DTWD2: variants seen among roughly 807,000 people sequenced by gnomAD.
DTWD2 encodes the protein tRNA-uridine aminocarboxypropyltransferase 2.
Under a neutral mutation model 31.8 loss-of-function variants are expected in DTWD2, and 39 were observed. The ratio of observed to expected loss-of-function variants is 1.22; its 90% CI spans 0.95 to 1.60. The LOEUF is 1.60. Ranked by LOEUF, DTWD2 falls within the 40% of genes most tolerant of loss-of-function variation. The pLI is 0.00. For missense variants in DTWD2, 515 were observed against 381.5 expected (o/e 1.35, Z -2.92); for synonymous variants, 180 against 142.8 (o/e 1.26, Z -1.86).
At chr5:118,898,309 C>CA (rs893805537) in intron 4 of DTWD2, among the ~76,000 whole-genome samples, 11 of 152,058 alleles carry the variant, frequency 7.2e-5, no homozygotes, top group African/African-American at 2.2e-4. Flanking sequence ...TGGGCAAAAA[C>CA]AAAAAAATTA....
At chr5:118,909,036 A>G (rs1378898343) in intron 4 of DTWD2, among the ~76,000 whole-genome samples, 1 of 152,210 alleles carries the variant, frequency 6.6e-6, no homozygotes, top group Non-Finnish European at 1.5e-5. Flanking sequence ...CAATACAAGG[A>G]AACTCCCTGA....
At chr5:118,875,563 GA>G (rs34990814) in intron 4 of DTWD2, among the ~76,000 whole-genome samples, 8,092 of 44,436 alleles carry the variant, frequency 0.18, 278 homozygotes, top group East Asian at 0.27. Flanking sequence ...CCTAGTTTCT[GA>G]AAAAAAAAAA....
At chr5:118,951,227 T>C (rs1754457467) in intron 1 of DTWD2, among the ~76,000 whole-genome samples, 1 of 150,600 alleles carries the variant, frequency 6.6e-6, no homozygotes, top group African/African-American at 2.4e-5. Context: ...GGAGAGGAGG[T>C]GATAGAAGGA....
intron 4 of DTWD2, among the ~76,000 whole-genome samples, chr5:118,860,427 A>T (rs1752235272): frequency 6.6e-6 from 1 of 151,904 alleles, no homozygotes; most frequent in South Asian, 2.1e-4. Flanking sequence ...GCTATACCAT[A>T]GTTTATTCAA....
chr5:118,981,353 T>C (rs1271541699), intron 1 of DTWD2, among the ~76,000 whole-genome samples: 2 of 152,144 alleles, frequency 1.3e-5, no homozygotes, highest in Non-Finnish European at 2.9e-5. Context: ...TATTACGTTA[T>C]GCAAATGTTA....
At chr5:118,914,149 T>C (rs1753522523) in intron 4 of DTWD2, among the ~76,000 whole-genome samples, 1 of 152,156 alleles carries the variant, frequency 6.6e-6, no homozygotes, top group Non-Finnish European at 1.5e-5. Context: ...TCCCCTAGAA[T>C]TCATGTGTTG....
intron 5 of DTWD2, among the ~76,000 whole-genome samples, chr5:118,841,844 G>A (rs1361383783): frequency 6.6e-6 from 1 of 151,786 alleles, no homozygotes; most frequent in Non-Finnish European, 1.5e-5. Context: ...CCTTGGGCCT[G>A]AGACCCCTGA....
intron 3 of DTWD2, among the ~76,000 whole-genome samples, chr5:118,930,489 T>A (rs1055403677): frequency 6.6e-6 from 1 of 152,130 alleles, no homozygotes; most frequent in African/African-American, 2.4e-5. Flanking sequence ...ACAACTTTTC[T>A]TAGATTCGTC....
At chr5:118,928,215 T>A (rs1753848699) in intron 4 of DTWD2, among the ~76,000 whole-genome samples, 1 of 151,968 alleles carries the variant, frequency 6.6e-6, no homozygotes, top group African/African-American at 2.4e-5. Context: ...ACAAAACACA[T>A]TAATACATAT....
intron 5 of DTWD2, 130 bp from the exon 6 acceptor site, chr5:118,841,217 T>C (rs1259452310): frequency 1.1e-6 from 1 of 905,888 alleles, no homozygotes; most frequent in African/African-American, 1.7e-5. Context: ...TGAGAAACAC[T>C]AGGCACTCTG....
rs375418588 is a variant in DTWD2 at position 118,840,982 on chromosome 5, G to C, written c.832C>G (p.Pro278Ala). 3 of 1,613,748 alleles carry C rather than the reference G, an allele frequency of 1.9e-6. No homozygotes were observed. The African/African-American group carries it at 4.0e-5, about 22-fold the overall frequency. The change falls in exon 6 of 6, where the codon CCA becomes GCA. Residue 278 changes from proline to alanine, a missense_variant. By Grantham distance (27) the Pro-to-Ala change is conservative (BLOSUM62 -1). Coordinates refer to ENST00000510708, the MANE Select transcript of DTWD2 (RefSeq NM_173666.4). ...AGTTTGCGTTTGTTCTTTGGCATTG[G>C]TTTAGGATATAATCCATTTTTCAGA... The part of the protein sequence containing the change: ...HLLKNGLYPK[P>A]MPKNKRKLRK...
chr5:118,864,858 C>T (rs1320305631), intron 4 of DTWD2, among the ~76,000 whole-genome samples: 1 of 152,088 alleles, frequency 6.6e-6, no homozygotes, highest in Non-Finnish European at 1.5e-5. Flanking sequence ...TCATAATGCT[C>T]ACTTACAGAA....
At chr5:118,955,693 G>A (rs956846987) in intron 1 of DTWD2, among the ~76,000 whole-genome samples, 1 of 151,834 alleles carries the variant, frequency 6.6e-6, no homozygotes, top group South Asian at 2.1e-4. Context: ...TACTCAGGAG[G>A]CTAAGGCAGG....
intron 3 of DTWD2, among the ~76,000 whole-genome samples, chr5:118,931,460 G>A (rs1360471380): frequency 2.1e-5 from 3 of 145,702 alleles, no homozygotes; most frequent in African/African-American, 7.7e-5. Context: ...TACAGACAAA[G>A]CAGACATCAG....
At chr5:118,871,055 T>G (rs1752490558) in intron 4 of DTWD2, among the ~76,000 whole-genome samples, 1 of 152,000 alleles carries the variant, frequency 6.6e-6, no homozygotes. Context: ...TTTGTAGTCA[T>G]CTCAACAATG....
At chr5:118,872,130 AAG>A (rs147265439) in intron 4 of DTWD2, among the ~76,000 whole-genome samples, 103 of 152,326 alleles carry the variant, frequency 6.8e-4, no homozygotes, top group African/African-American at 2.3e-3. Context: ...AACAGAATTG[AAG>A]AGAGTTAGAG....
At chr5:118,907,224 T>C (rs188019343) in intron 4 of DTWD2, among the ~76,000 whole-genome samples, 1 of 152,366 alleles carries the variant, frequency 6.6e-6, no homozygotes, top group East Asian at 1.9e-4. Context: ...ATTAACTAGC[T>C]GACCCTAATT....
intron 1 of DTWD2, chr5:118,973,979 G>A: frequency 6.3e-7 from 1 of 1,587,066 alleles, no homozygotes; most frequent in South Asian, 1.1e-5. Flanking sequence ...AGGTGGGGAG[G>A]AAGAGGAGGA....
intron 4 of DTWD2, among the ~76,000 whole-genome samples, chr5:118,911,086 T>A (rs1271794556): frequency 1.3e-5 from 2 of 151,684 alleles, no homozygotes; most frequent in African/African-American, 2.4e-5. Flanking sequence ...CATGACAAAC[T>A]CCAAAATACA....
Sources: gnomAD v4.1 joint callset for allele counts (sites outside exome capture counted in the v4.1 genomes callset) on GRCh38, gnomAD v4.1.1 for gene constraint, MANE v1.5 for transcripts, NCBI Gene and HGNC (gene_info 2026-07-23, HGNC 2026-07-21) for gene names.